Variants in VPS13D observed in about 807,000 individuals in gnomAD.
The protein encoded by VPS13D is vacuolar protein sorting 13 homolog D, also known as intermembrane lipid transfer protein VPS13D.
A neutral mutation model predicts 461.9 loss-of-function variants in VPS13D; 187 were observed. That is an observed-to-expected ratio of 0.40 (90% CI 0.36 to 0.46). VPS13D has a LOEUF of 0.46. VPS13D is among the 20% of genes least tolerant of loss of function. VPS13D has a pLI of 0.60. For synonymous variants in VPS13D, 1,951 were observed against 1,986.3 expected, an observed-to-expected ratio of 0.98 and a Z score of 0.47; for missense variants, 4,711 against 5,364.9, an observed-to-expected ratio of 0.88 and a Z score of 3.81.
rs1394823841 is a variant in VPS13D, at chr1:12,321,971, A to G, written c.7704+7A>G. 6.2e-7 allele frequency: 1 copy of G among 1,613,234 alleles called. No individual in the cohort carries two copies. The highest frequency in any genetic ancestry group is 1.3e-5 in the African/African-American group (1 of 74,854). On this transcript the variant is annotated splice_region_variant and intron_variant, in intron 33 of 69. Coordinates refer to ENST00000620676, the MANE Select transcript of VPS13D (RefSeq NM_015378.4). ...TTTCCCACCTGTCCTGGAGGTAATGATGCAAAATCTGTGCAATACGTTGAT... is the reference window on the plus strand; with the variant it reads ...TTTCCCACCTGTCCTGGAGGTAATGGTGCAAAATCTGTGCAATACGTTGAT...
At chr1:12,348,429 G>T (rs1433371274) in intron 44 of VPS13D, among the ~76,000 whole-genome samples, 1 of 152,200 alleles carries the variant, frequency 6.6e-6, no homozygotes, top group African/African-American at 2.4e-5. Context: ...GAACTCAGGG[G>T]CTTTATGAAT....
rs774009261 is a variant in VPS13D, at chr1:12,282,766, G to A, written c.4664G>A (p.Ser1555Asn). 9.3e-6 allele frequency: 15 copies of A among 1,614,148 alleles called. No individual in the cohort carries two copies. In the South Asian group the frequency reaches 1.5e-4, roughly 17 times the overall value. Residue 1555 changes from serine to asparagine, a missense_variant, in exon 21 of 70, where the codon AGT (serine) becomes AAT (asparagine). This residue lies in a region of VPS13D where 4,411 missense variants were observed against 4,937.8 expected (regional missense o/e 0.89). Transcript: ENST00000620676. ...VLQTLDNLVY[S>N]EDLNKYPASA... ...CAAACCCTGGACAATCTCGTGTACA[G>A]TGAAGATCTGAATAAGTATCCAGCC...
chr1:12,259,261 T>G (rs771378120), intron 10 of VPS13D, among the ~76,000 whole-genome samples: 19 of 151,734 alleles, frequency 1.3e-4, no homozygotes, highest in Non-Finnish European at 2.2e-4. Context: ...GGTGTTGAAC[T>G]CATGAGCTCA....
intron 44 of VPS13D, among the ~76,000 whole-genome samples, chr1:12,346,957 T>C (rs1226697424): frequency 6.6e-6 from 1 of 152,246 alleles, no homozygotes; most frequent in Non-Finnish European, 1.5e-5. Context: ...TGACCATATG[T>C]GTTTCATAGT....
intron 65 of VPS13D, among the ~76,000 whole-genome samples, chr1:12,454,802 A>G (rs1448064275): frequency 6.6e-6 from 1 of 152,244 alleles, no homozygotes. Context: ...TGAGCCTTGT[A>G]TCTAAGGAAC....
intron 2 of VPS13D, among the ~76,000 whole-genome samples, chr1:12,238,452 A>G (rs1489570503): frequency 6.6e-6 from 1 of 151,612 alleles, no homozygotes; most frequent in African/African-American, 2.4e-5. Flanking sequence ...AAATAGTAAT[A>G]ATAATAAAAT....
At chr1:12,383,257 T>A in intron 58 of VPS13D, 102 bp downstream of exon 58, 1 of 1,218,220 alleles carries the variant, frequency 8.2e-7, no homozygotes. Flanking sequence ...ATGCCAGATA[T>A]GAAGATATGG....
intron 32 of VPS13D, among the ~76,000 whole-genome samples, chr1:12,320,164 A>G (rs1642996694): frequency 1.3e-5 from 2 of 152,262 alleles, no homozygotes; most frequent in Non-Finnish European, 2.9e-5. Context: ...CGCATGGATA[A>G]TAGTGGTGCT....
At chr1:12,231,668 T>C (rs1473073164) in intron 1 of VPS13D, among the ~76,000 whole-genome samples, 2 of 152,178 alleles carry the variant, frequency 1.3e-5, no homozygotes, top group African/African-American at 4.8e-5. Context: ...AGTTTCACAT[T>C]TGGTTTTCAC....
intron 6 of VPS13D, among the ~76,000 whole-genome samples, chr1:12,252,110 G>A (rs1038279875): frequency 3.3e-5 from 5 of 152,134 alleles, no homozygotes; most frequent in South Asian, 2.1e-4. Context: ...GACAATACTC[G>A]TTAGATTAGG....
chr1:12,363,152 T>A lies in VPS13D; in HGVS notation c.10353T>A (p.Asp3451Glu). Residue 3451 changes from aspartate (D) to glutamate (E), a missense_variant, in exon 52 of 70, where the codon GAT becomes GAA. Around this residue, in one of 3 missense-constraint regions of VPS13D, gnomAD observed 4,411 missense variants for 4,937.8 expected, o/e 0.89. Coordinates refer to ENST00000620676, the MANE Select transcript of VPS13D (RefSeq NM_015378.4). Reference protein sequence around the residue: ...VVFHWPRNDYDQLLCVRLMDV... With the variant: ...VVFHWPRNDYEQLLCVRLMDV... Reference sequence around the variant, plus strand: ...TCCACTGGCCTCGGAATGACTATGATCAGCTATTGTGTGTCAGACTGATGG... The same window carrying A: ...TCCACTGGCCTCGGAATGACTATGAACAGCTATTGTGTGTCAGACTGATGG... The A allele has an allele frequency of 6.2e-7, 1 of 1,614,246 alleles. No homozygotes were observed. Among genetic ancestry groups the A allele is most frequent in the Non-Finnish European group, 8.5e-7 (1 of 1,180,046 alleles).
intron 47 of VPS13D, 53 bp downstream of exon 47, chr1:12,354,274 A>C: frequency 6.3e-7 from 1 of 1,590,942 alleles, no homozygotes; most frequent in Non-Finnish European, 8.6e-7. Context: ...AATATCAATG[A>C]GTATTTTGTG....
intron 66 of VPS13D, among the ~76,000 whole-genome samples, chr1:12,456,636 C>CAAAAAAAAAAAAAAAAAAAAAAAAAAAAA (rs367987300): frequency 2.4e-5 from 2 of 83,674 alleles, no homozygotes; most frequent in Non-Finnish European, 4.7e-5. Context: ...GACTCCAATT[C>CAAAAAAAAAAAAAAAAAAAAAAAAAAAAA]AAAAAAAAAA....
Position 12,363,122 on chromosome 1 carries a change from G to A in VPS13D, c.10323G>A (p.Val3441=), listed in dbSNP as rs1169815134. 3 of 1,614,064 alleles carry A rather than the reference G, an allele frequency of 1.9e-6. No homozygotes were observed. Among genetic ancestry groups the A allele is most frequent in the East Asian group, 2.2e-5 (1 of 44,900 alleles). Residue 3441 remains valine (V), a synonymous_variant, in exon 52 of 70, where the codon GTG becomes GTA. Transcript: ENST00000620676. The part of the protein sequence containing the change: ...GYISTLPGSS[V]VFHWPRNDYD... ...TTTCCACCCTTCCTGGTTCCAGTGT[G>A]GTGTTCCACTGGCCTCGGAATGACT...
At chr1:12,386,485 C>G in intron 60 of VPS13D, 151 bp downstream of exon 60, 1 of 918,398 alleles carries the variant, frequency 1.1e-6, no homozygotes, top group Non-Finnish European at 1.5e-6. Context: ...TTGTTTCTAC[C>G]TACATTCGTC....
chr1:12,381,522 T>C (rs1570050775), intron 57 of VPS13D, among the ~76,000 whole-genome samples: 3 of 152,252 alleles, frequency 2.0e-5, no homozygotes, highest in Admixed American at 2.0e-4. Flanking sequence ...CGTACTTCTA[T>C]AATTGAATCC....
chr1:12,349,193 G>A lies in VPS13D; in HGVS notation c.9250G>A (p.Gly3084Arg). The A allele has an allele frequency of 6.2e-7, 1 of 1,614,010 alleles. No homozygotes were observed. The change falls in exon 46 of 70, where the codon GGG (glycine) becomes AGG (arginine). Residue 3084 changes from glycine (G) to arginine (R), a missense_variant. Gly to Arg is a moderately radical substitution (Grantham distance 125). Transcript: ENST00000620676. ...AGTGGTGCTTCCTGCTATCATGCCA[G>A]GGGATTCGTTTGCTGTGCCTTTACA... The part of the protein sequence containing the change: ...KPVVLPAIMP[G>R]DSFAVPLHLT...
chr1:12,455,525 A>G (rs1317258275), intron 65 of VPS13D, among the ~76,000 whole-genome samples: 1 of 152,196 alleles, frequency 6.6e-6, no homozygotes, highest in Non-Finnish European at 1.5e-5. Flanking sequence ...CCTCCATTGT[A>G]TGCATCCCCC....
chr1:12,346,483 C>A, intron 43 of VPS13D, 122 bp from the exon 44 acceptor site: 1 of 892,428 alleles, frequency 1.1e-6, no homozygotes, highest in Non-Finnish European at 1.8e-6. Context: ...TCATAGTAGA[C>A]TATACTTTAC....
Sources: gnomAD v4.1 joint callset for allele counts (sites outside exome capture counted in the v4.1 genomes callset) on GRCh38, gnomAD v4.1.1 for gene constraint, gnomAD v4.1.1 regional missense constraint, MANE v1.5 for transcripts, NCBI Gene and HGNC (gene_info 2026-07-23, HGNC 2026-07-21) for gene names.